The following LRRTM4 variants were observed in gnomAD, a reference collection of about 807,000 sequenced individuals.
LRRTM4 encodes leucine rich repeat transmembrane neuronal 4.
Under a neutral mutation model 47.6 loss-of-function variants are expected in LRRTM4, and 25 were observed. That is an observed-to-expected ratio of 0.53 (90% CI 0.38 to 0.73). The LOEUF (loss-of-function observed/expected upper bound fraction) is 0.73. LRRTM4 is among the 30% of genes least tolerant of loss of function. The probability of loss-of-function intolerance (pLI) is 0.00; values close to 1 mark genes in which losing one functional copy is unlikely to be tolerated. For missense variants in LRRTM4, 638 were observed against 713.4 expected (o/e 0.89, Z 1.20); for synonymous variants, 311 against 269.5 (o/e 1.15, Z -1.51).
Position 77,176,066 on chromosome 2 carries a change from T to C in LRRTM4, c.1551+342252A>G, listed in dbSNP as rs562001603. ...ACTTGGGTTGATATAATTCATTATA[T>C]TTAAGTTCTTTCGAACACCGGAGAT... On this transcript the variant is annotated intron_variant, in intron 3 of 3. Coordinates refer to ENST00000409884, the MANE Select transcript of LRRTM4 (RefSeq NM_001134745.3). Among the ~76,000 whole-genome samples the C allele has an allele frequency of 6.6e-5, 10 of 152,264 alleles. No homozygotes were observed. The East Asian group carries it at 1.9e-3, about 29-fold the overall frequency.
intron 2 of LRRTM4, among the ~76,000 whole-genome samples, chr2:77,520,885 G>C (rs1024476396): frequency 2.0e-5 from 3 of 150,800 alleles, no homozygotes; most frequent in African/African-American, 4.9e-5. Flanking sequence ...GTCAACAGTA[G>C]ATTTATTATT....
At chr2:77,029,693 T>C (rs1678582844) in intron 3 of LRRTM4, among the ~76,000 whole-genome samples, 1 of 152,166 alleles carries the variant, frequency 6.6e-6, no homozygotes, top group African/African-American at 2.4e-5. Context: ...AGAAATCTAA[T>C]ATATGGTGAT....
chr2:77,138,726 C>G (rs1572999863), intron 3 of LRRTM4, among the ~76,000 whole-genome samples: 3 of 151,758 alleles, frequency 2.0e-5, no homozygotes, highest in African/African-American at 7.3e-5. Context: ...AGACCACTAG[C>G]AAGACTAATA....
At chr2:76,908,377 G>A (rs576858845) in intron 3 of LRRTM4, among the ~76,000 whole-genome samples, 1 of 151,962 alleles carries the variant, frequency 6.6e-6, no homozygotes, top group African/African-American at 2.4e-5. Flanking sequence ...CAAACCCACA[G>A]CCAATATCAT....
intron 3 of LRRTM4, among the ~76,000 whole-genome samples, chr2:76,949,875 T>C (rs1460128581): frequency 6.6e-6 from 1 of 151,964 alleles, no homozygotes; most frequent in Non-Finnish European, 1.5e-5. Context: ...AGCATTATAA[T>C]TGACTGGTCA....
intron 3 of LRRTM4, among the ~76,000 whole-genome samples, chr2:77,005,228 T>G (rs530162201): frequency 6.6e-6 from 1 of 152,294 alleles, no homozygotes; most frequent in East Asian, 1.9e-4. Context: ...CACTGCAACC[T>G]CTGCTGCCCT....
chr2:77,187,136 G>C (rs1332524997), intron 3 of LRRTM4, among the ~76,000 whole-genome samples: 2 of 152,086 alleles, frequency 1.3e-5, no homozygotes, highest in Middle Eastern at 3.2e-3. Context: ...ATTCAGAAAT[G>C]GGAGGAAAGG....
chr2:76,906,389 G>A (rs1192857743), intron 3 of LRRTM4, among the ~76,000 whole-genome samples: 1 of 152,050 alleles, frequency 6.6e-6, no homozygotes, highest in African/African-American at 2.4e-5. Context: ...ATGCTGCAAA[G>A]TCATGCCAAA....
rs534491915 is a variant in LRRTM4 at position 76,776,939 on chromosome 2, G to C, written c.1552-28023C>G. 2.2e-5 allele frequency among the ~76,000 whole-genome samples: 3 copies of C among 136,268 alleles called. No individual in the cohort carries two copies. In the Admixed American group the frequency reaches 2.2e-4, roughly 10 times the overall value. The allele number at this position is 136,268 out of a possible 152,430, so 89.4% of individuals were successfully genotyped here. On this transcript the variant is annotated intron_variant, in intron 3 of 3. Coordinates refer to ENST00000409884, the MANE Select transcript of LRRTM4 (RefSeq NM_001134745.3). Reference sequence around the variant, plus strand: ...CCATCTTGAATTGATTTTTGTATAAGGTGTAAGGAAGGGATCCAGTTTCAG... The same window carrying C: ...CCATCTTGAATTGATTTTTGTATAACGTGTAAGGAAGGGATCCAGTTTCAG...
chr2:77,323,736 A>G (rs1048065387), intron 3 of LRRTM4, among the ~76,000 whole-genome samples: 2 of 152,096 alleles, frequency 1.3e-5, no homozygotes, highest in Non-Finnish European at 2.9e-5. Flanking sequence ...GCATCTTTCT[A>G]ATGATAAATT....
intron 3 of LRRTM4, among the ~76,000 whole-genome samples, chr2:76,801,660 A>ACTTTTCTTTTTTTTT (rs1225248929): frequency 5.9e-5 from 9 of 151,824 alleles, no homozygotes; most frequent in African/African-American, 2.2e-4. Context: ...AACTTAAAGT[A>ACTTTTCTTTTTTTTT]TAATAAAAAA....
chr2:77,464,970 C>T (rs1676928622), intron 3 of LRRTM4, among the ~76,000 whole-genome samples: 1 of 152,040 alleles, frequency 6.6e-6, no homozygotes, highest in Non-Finnish European at 1.5e-5. Flanking sequence ...CTACATAAAA[C>T]CATTAATATT....
intron 3 of LRRTM4, among the ~76,000 whole-genome samples, chr2:77,248,477 G>T (rs1271076485): frequency 6.6e-6 from 1 of 151,992 alleles, no homozygotes; most frequent in Non-Finnish European, 1.5e-5. Context: ...CTTCCCAAAT[G>T]ATATATAAAT....
chr2:76,848,790 G>A (rs1671908335), intron 3 of LRRTM4, among the ~76,000 whole-genome samples: 2 of 152,074 alleles, frequency 1.3e-5, no homozygotes, highest in Non-Finnish European at 1.5e-5. Flanking sequence ...CTTAATCCAA[G>A]TATAAAATTT....
At chr2:76,830,426 A>G (rs1276686717) in intron 3 of LRRTM4, among the ~76,000 whole-genome samples, 3 of 151,564 alleles carry the variant, frequency 2.0e-5, no homozygotes, top group Non-Finnish European at 4.4e-5. Flanking sequence ...ATCCCTGTGA[A>G]GTAGTGGAAG....
intron 3 of LRRTM4, among the ~76,000 whole-genome samples, chr2:77,249,298 C>T (rs1384483812): frequency 6.6e-6 from 1 of 151,470 alleles, no homozygotes; most frequent in Admixed American, 6.6e-5. Flanking sequence ...TGCAGTGAGC[C>T]GATATTACGC....
intron 3 of LRRTM4, among the ~76,000 whole-genome samples, chr2:77,328,707 G>A (rs1470671362): frequency 2.0e-5 from 3 of 152,170 alleles, no homozygotes; most frequent in East Asian, 1.9e-4. Flanking sequence ...AAGTGCTGTC[G>A]TTGGGAGAAG....
At chr2:76,960,759 A>G (rs1675830421) in intron 3 of LRRTM4, among the ~76,000 whole-genome samples, 1 of 151,726 alleles carries the variant, frequency 6.6e-6, no homozygotes, top group South Asian at 2.1e-4. Context: ...TCCCTAAATA[A>G]AAACTGTAAG....
At chr2:77,090,604 G>T (rs1051168718) in intron 3 of LRRTM4, among the ~76,000 whole-genome samples, 1 of 152,034 alleles carries the variant, frequency 6.6e-6, no homozygotes, top group Non-Finnish European at 1.5e-5. Flanking sequence ...CGCCTGAACC[G>T]CAGTGGCCAG....
Sources: gnomAD v4.1 joint callset for allele counts (sites outside exome capture counted in the v4.1 genomes callset) on GRCh38, gnomAD v4.1.1 for gene constraint, MANE v1.5 for transcripts, NCBI Gene and HGNC (gene_info 2026-07-23, HGNC 2026-07-21) for gene names.